Variants in MYH14 observed in about 807,000 individuals in gnomAD.
MYH14 encodes the protein myosin-14.
Under a neutral mutation model 255.5 loss-of-function variants are expected in MYH14, and 123 were observed. That is an observed-to-expected ratio of 0.48 (90% confidence interval 0.42 to 0.56). MYH14 has a LOEUF of 0.56. MYH14 is among the 20% of genes least tolerant of loss of function. The probability of loss-of-function intolerance (pLI) is 0.00; values close to 1 mark genes in which losing one functional copy is unlikely to be tolerated. For missense variants in MYH14, 2,423 were observed against 2,802.3 expected (o/e 0.86, Z 3.06); for synonymous variants, 1,095 against 1,161.2 (o/e 0.94, Z 1.16).
At position 50,250,639 on chromosome 19, in the gene MYH14, G is replaced by C. The variant is rs1362419703; in HGVS notation, c.1781G>C (p.Arg594Thr). Reference sequence around the variant, plus strand: ...GGCCACCCCAAGTTCCAGCGGCCGAGGCACCTGCGGGATCAGGCCGACTTC... The same window carrying C: ...GGCCACCCCAAGTTCCAGCGGCCGACGCACCTGCGGGATCAGGCCGACTTC... Reference protein sequence around the residue: ...QGGHPKFQRPRHLRDQADFSV... With the variant: ...QGGHPKFQRPTHLRDQADFSV... Residue 594 changes from arginine to threonine, a missense_variant, in exon 15 of 43, where the codon AGG becomes ACG. By Grantham distance (71) the Arg-to-Thr change is moderately conservative (BLOSUM62 -1). Coordinates refer to ENST00000642316, the MANE Select transcript of MYH14 (RefSeq NM_001145809.2). This position sits in a 1 kb window ranked among gnomAD's most constrained non-coding sequence, Gnocchi z 5.4. 4 of 1,614,002 alleles carry C rather than the reference G, an allele frequency of 2.5e-6. No homozygotes were observed. The highest frequency in any genetic ancestry group is 3.4e-6 in the Non-Finnish European group (4 of 1,179,882).
chr19:50,251,521 TACACACACAC>T (rs56728213), intron 15 of MYH14, among the ~76,000 whole-genome samples: 6,092 of 72,210 alleles, frequency 0.084, 243 homozygotes, highest in East Asian at 0.3. Context: ...ATATACACAC[TACACACACAC>T]ACACACACAC....
At chr19:50,275,926 C>T (rs1473801554) in intron 27 of MYH14, 65 bp from the exon 28 acceptor site, 7 of 1,322,414 alleles carry the variant, frequency 5.3e-6, no homozygotes, top group Admixed American at 2.0e-5. Context: ...CCTCTCAGTC[C>T]CCAGAAATCA....
intron 11 of MYH14, among the ~76,000 whole-genome samples, chr19:50,245,446 AG>A (rs1263717895): frequency 2.3e-5 from 3 of 129,324 alleles, no homozygotes; most frequent in Non-Finnish European, 4.8e-5. Context: ...GAAGAAAGAA[AG>A]AAAAAGAAGA....
At chr19:50,309,589 C>T in intron 42 of MYH14, 51 bp from the exon 43 acceptor site, 1 of 1,225,938 alleles carries the variant, frequency 8.2e-7, no homozygotes, top group East Asian at 2.6e-5. Context: ...CTTTCTCCTC[C>T]CCTCCCCTCC....
Position 50,224,902 on chromosome 19 carries a change from C to T in MYH14, c.718-683C>T, listed in dbSNP as rs1345271817. 4 of 454,532 alleles carry T rather than the reference C, an allele frequency of 8.8e-6. No individual in the cohort carries two copies. In the Admixed American group the frequency reaches 9.5e-5, roughly 11 times the overall value. The allele number at this position is 454,532 out of a possible 1,614,324, so 28.2% of individuals were successfully genotyped here. On this transcript the variant is annotated intron_variant, in intron 6 of 42. Transcript: ENST00000642316. ...GGAGGATTGCTTGAGGCCAGGAGTT[C>T]AAGACCAGGCTAGGCAAAAGAGTGA...
intron 22 of MYH14, 64 bp downstream of exon 22, chr19:50,263,484 T>C: frequency 3.3e-6 from 4 of 1,207,942 alleles, no homozygotes; most frequent in Non-Finnish European, 4.6e-6. Flanking sequence ...CTTGGTCTGC[T>C]TGACAAGTGA....
intron 3 of MYH14, among the ~76,000 whole-genome samples, chr19:50,219,606 G>A (rs111386334): frequency 2.4e-4 from 36 of 152,154 alleles, no homozygotes; most frequent in African/African-American, 7.2e-4. Context: ...AACATTTATC[G>A]TTGAATTGTA....
At chr19:50,304,604 T>C (rs1461003036) in intron 40 of MYH14, among the ~76,000 whole-genome samples, 1 of 151,650 alleles carries the variant, frequency 6.6e-6, no homozygotes, top group African/African-American at 2.4e-5. Context: ...AAAAGAGGAG[T>C]GTACTGTTTA....
chr19:50,301,109 CTAT>C (rs916561414), intron 39 of MYH14, among the ~76,000 whole-genome samples: 1 of 152,106 alleles, frequency 6.6e-6, no homozygotes, highest in South Asian at 2.1e-4. Flanking sequence ...TAAACGGGAA[CTAT>C]TATTAGGGGT....
chr19:50,259,432 G>A (rs1236791515), intron 19 of MYH14, among the ~76,000 whole-genome samples, 167 bp downstream of exon 19: 1 of 152,220 alleles, frequency 6.6e-6, no homozygotes, highest in East Asian at 1.9e-4. Flanking sequence ...GTCTGTGTAT[G>A]GGAGAACAAT....
rs192580837 is a variant in MYH14 at position 50,294,896 on chromosome 19, G to C, written c.5469+1209G>C. Among the ~76,000 whole-genome samples the C allele has an allele frequency of 2.6e-5, 4 of 151,236 alleles. 1 individual carries two copies. In the East Asian group the frequency reaches 7.7e-4, roughly 29 times the overall value. Reference sequence around the variant, plus strand: ...CTGAGACATTGAGTTTATAATGTGGGATAAAGTAAATGATCAAAGATGGGA... The same window carrying C: ...CTGAGACATTGAGTTTATAATGTGGCATAAAGTAAATGATCAAAGATGGGA... On this transcript the variant is annotated intron_variant, in intron 39 of 42. Transcript: ENST00000642316.
At chr19:50,244,366 C>T in intron 11 of MYH14, 29 bp downstream of exon 11, 1 of 1,594,696 alleles carries the variant, frequency 6.3e-7, no homozygotes, top group Non-Finnish European at 8.6e-7. Flanking sequence ...CTGCCCACGA[C>T]CTCCAGCCCC....
In MYH14 at chr19:50,291,067, T is replaced by G. The variant is rs779823368; in HGVS notation, c.5127+19T>G. The G allele has an allele frequency of 1.2e-5, 20 of 1,610,452 alleles. No individual in the cohort carries two copies. Among genetic ancestry groups the G allele is most frequent in the Non-Finnish European group, 1.6e-5 (19 of 1,178,326 alleles). ...GATGCAGGTAAGAGCCGGCGTGAGC[T>G]GCAGGGAGGGGAGGCTTTGGTGTCT... On this transcript the variant is annotated intron_variant, in intron 36 of 42. Coordinates refer to ENST00000642316, the MANE Select transcript of MYH14 (RefSeq NM_001145809.2).
chr19:50,250,565 G>C lies in MYH14; in HGVS notation c.1707G>C (p.Pro569=), dbSNP rs553065411. Residue 569 remains proline (P), a synonymous_variant, in exon 15 of 43, where the codon CCG becomes CCC. Coordinates refer to ENST00000642316, the MANE Select transcript of MYH14 (RefSeq NM_001145809.2). This position sits in a 1 kb window ranked among gnomAD's most constrained non-coding sequence, Gnocchi z 5.4. The stretch of plus-strand genomic sequence containing the variant: ...TGCTGGATGAGGAGTGCTGGTTCCC[G>C]AAGGCCACAGACAAGTCGTTTGTGG... The part of the protein sequence containing the change: ...LALLDEECWF[P]KATDKSFVEK... 189 of 1,613,940 alleles carry C rather than the reference G, an allele frequency of 1.2e-4. No homozygotes were observed. Among genetic ancestry groups the C allele is most frequent in the South Asian group, 7.9e-4 (72 of 91,020 alleles).
intron 10 of MYH14, among the ~76,000 whole-genome samples, chr19:50,239,704 C>T (rs577528033): frequency 6.6e-6 from 1 of 152,280 alleles, no homozygotes; most frequent in South Asian, 2.1e-4. Context: ...TGCCTGCCAC[C>T]ACGCCTAGCT....
intron 1 of MYH14, among the ~76,000 whole-genome samples, chr19:50,204,809 C>T (rs913276395): frequency 7.2e-5 from 11 of 151,998 alleles, no homozygotes; most frequent in Non-Finnish European, 1.3e-4. Context: ...CAGGGAGGAT[C>T]GGTTGAGCCC....
Position 50,280,376 on chromosome 19 carries a change from A to C in MYH14, c.4283A>C (p.Gln1428Pro). The change falls in exon 32 of 43, where the codon CAG becomes CCG. Residue 1428 changes from glutamine (Q) to proline (P), a missense_variant. By Grantham distance (76) the Gln-to-Pro change is moderately conservative. Coordinates refer to ENST00000642316, the MANE Select transcript of MYH14 (RefSeq NM_001145809.2). This position sits in a 1 kb window ranked among gnomAD's most constrained non-coding sequence, Gnocchi z 4.8. ...GCGGGCCGTGAACTGCAGACTGCCCAGGCCCAGGTGAGCAGCCCTACGTAA... is the reference window on the plus strand; with the variant it reads ...GCGGGCCGTGAACTGCAGACTGCCCCGGCCCAGGTGAGCAGCCCTACGTAA... ...ERAGRELQTA[Q>P]AQLSEWRRRQ... 1 of 1,539,442 alleles carries C rather than the reference A, an allele frequency of 6.5e-7. No homozygotes were observed.
chr19:50,228,647 C>G (rs563279257), intron 8 of MYH14, among the ~76,000 whole-genome samples: 2 of 152,164 alleles, frequency 1.3e-5, no homozygotes, highest in Non-Finnish European at 2.9e-5. Context: ...CTCCATGGTA[C>G]CTGCATATCC....
chr19:50,291,910 C>T (rs1238165634), intron 36 of MYH14, among the ~76,000 whole-genome samples: 3 of 152,110 alleles, frequency 2.0e-5, no homozygotes, highest in African/African-American at 7.2e-5. Context: ...AGTAGGCAAA[C>T]TGAGGCTCAG....
Sources: gnomAD v4.1 joint callset for allele counts (sites outside exome capture counted in the v4.1 genomes callset) on GRCh38, gnomAD v4.1.1 for gene constraint, Gnocchi (gnomAD v3.1) non-coding constraint, MANE v1.5 for transcripts, NCBI Gene and HGNC (gene_info 2026-07-23, HGNC 2026-07-21) for gene names.